Variants in CHUK observed in about 807,000 individuals in gnomAD.
CHUK encodes the protein inhibitor of nuclear factor kappa-B kinase subunit alpha.
A neutral mutation model predicts 104.8 loss-of-function variants in CHUK; 35 were observed. The observed-to-expected ratio is 0.33, with a 90% CI of 0.26 to 0.44. The LOEUF (loss-of-function observed/expected upper bound fraction) is 0.44, where lower values mean the gene tolerates loss of function less well. Ranked by LOEUF, CHUK falls within the 20% of genes least tolerant of loss-of-function variation. The pLI is 1.00. For missense variants in CHUK, 663 were observed against 902.7 expected (o/e 0.73, Z 3.40); for synonymous variants, 276 against 291.9 (o/e 0.95, Z 0.56).
intron 9 of CHUK, among the ~76,000 whole-genome samples, chr10:100,217,102 C>T (rs1414379566): frequency 6.6e-6 from 1 of 151,882 alleles, no homozygotes; most frequent in Non-Finnish European, 1.5e-5. Flanking sequence ...TCTGTCAAAG[C>T]ACAAAGGTAG....
intron 11 of CHUK, 65 bp downstream of exon 11, chr10:100,207,159 CTAATCA>C: frequency 1.3e-6 from 1 of 798,804 alleles, no homozygotes; most frequent in Non-Finnish European, 2.2e-6. Flanking sequence ...TCCATTTCTA[CTAATCA>C]TACTGAGAGT....
Position 100,193,392 on chromosome 10 carries a change from C to T in CHUK, c.2014G>A (p.Glu672Lys), listed in dbSNP as rs748821403. 4 of 1,613,988 alleles carry T rather than the reference C, an allele frequency of 2.5e-6. No homozygotes were observed. Among genetic ancestry groups the T allele is most frequent in the Non-Finnish European group, 3.4e-6 (4 of 1,179,964 alleles). Residue 672 changes from glutamate (E) to lysine (K), a missense_variant, in exon 19 of 21, where the codon GAA becomes AAA. Glu to Lys is a moderately conservative substitution (Grantham distance 56). Transcript: ENST00000370397. The part of the protein sequence containing the change: ...SARSLVGSSL[E>K]GAVTPQTSAW... Reference sequence around the variant, plus strand: ...GATGTCTGAGGGGTTACTGCACCTTCTAGACTGGATCCTACAAGGGACCGG... The same window carrying T: ...GATGTCTGAGGGGTTACTGCACCTTTTAGACTGGATCCTACAAGGGACCGG...
intron 9 of CHUK, among the ~76,000 whole-genome samples, chr10:100,217,209 G>GC (rs1202609643): frequency 6.8e-6 from 1 of 146,026 alleles, no homozygotes; most frequent in Non-Finnish European, 1.5e-5. Context: ...GTTAGGGAAA[G>GC]CCCCCCCAAA....
intron 1 of CHUK, among the ~76,000 whole-genome samples, chr10:100,229,002 C>T (rs1031378396): frequency 3.4e-4 from 50 of 146,530 alleles, no homozygotes; most frequent in African/African-American, 1.3e-3. Flanking sequence ...CGCACACACA[C>T]ACACACACAC....
rs1845555211 is a variant in CHUK at position 100,204,912 on chromosome 10, C to CA, written c.1355+163dup. Among the ~76,000 whole-genome samples, 4 of 152,298 alleles carry CA rather than the reference C, an allele frequency of 2.6e-5. No individual in the cohort carries two copies. The South Asian group carries it at 8.3e-4, about 32-fold the overall frequency. On this transcript the variant is annotated intron_variant, in intron 12 of 20. Coordinates refer to ENST00000370397, the MANE Select transcript of CHUK (RefSeq NM_001278.5). ...TCAAGCCATTACAATAGAATGGTCT[C>CA]AGTCCATTAGTAAGAATTCTACAAG...
At chr10:100,228,277 A>T (rs1278856842) in intron 1 of CHUK, among the ~76,000 whole-genome samples, 1 of 152,220 alleles carries the variant, frequency 6.6e-6, no homozygotes, top group East Asian at 1.9e-4. Flanking sequence ...GAACCTCTCA[A>T]ATGGCAATGC....
rs1274831162 is a variant in CHUK at position 100,229,543 on chromosome 10, G to A, written c.-11C>T. The A allele has an allele frequency of 2.6e-6, 4 of 1,516,302 alleles. No individual in the cohort carries two copies. The highest frequency in any genetic ancestry group is 3.5e-6 in the Non-Finnish European group (4 of 1,131,390). The allele number at this position is 1,516,302 out of a possible 1,614,324, so 93.9% of individuals were successfully genotyped here. ...CGGGGGCCGCTCCATGGGGCGGGAG[G>A]GCAAGCGGCCTCAGGTTCCACAGTT... On this transcript the variant is annotated 5_prime_UTR_variant, in exon 1 of 21. Transcript: ENST00000370397.
At chr10:100,208,148 C>G (rs797017538) in intron 10 of CHUK, among the ~76,000 whole-genome samples, 23 of 152,210 alleles carry the variant, frequency 1.5e-4, no homozygotes, top group African/African-American at 5.5e-4. Flanking sequence ...CTCTGTCACC[C>G]ATGCTGGAGT....
intron 17 of CHUK, 146 bp downstream of exon 17, chr10:100,194,279 T>C (rs1174857711): frequency 9.3e-7 from 1 of 1,073,768 alleles, no homozygotes; most frequent in Non-Finnish European, 1.4e-6. Flanking sequence ...GACACATAAA[T>C]GCAGATAGCT....
rs1244372383 is a variant in CHUK at position 100,193,976 on chromosome 10, T to C, written c.1974+8A>G. On this transcript the variant is annotated splice_region_variant and intron_variant, in intron 18 of 20. Coordinates refer to ENST00000370397, the MANE Select transcript of CHUK (RefSeq NM_001278.5). ...GTCACATTAAATAATTCATTAATAA[T>C]TACTTACACAGGCAATTTTAAGGAG... 10 of 1,610,528 alleles carry C rather than the reference T, an allele frequency of 6.2e-6. No homozygotes were observed. Among genetic ancestry groups the C allele is most frequent in the Non-Finnish European group, 8.5e-6 (10 of 1,177,132 alleles).
intron 9 of CHUK, among the ~76,000 whole-genome samples, chr10:100,211,879 AT>A (rs56796436): frequency 0.37 from 54,116 of 145,984 alleles, 10,033 homozygotes; most frequent in Non-Finnish European, 0.45. Context: ...TTACAGTTCT[AT>A]TTTTTTTTTT....
chr10:100,222,654 T>C (rs528202519), intron 3 of CHUK, among the ~76,000 whole-genome samples: 1 of 152,330 alleles, frequency 6.6e-6, no homozygotes, highest in South Asian at 2.1e-4. Flanking sequence ...ATAGTCTCTG[T>C]TAAAACTACT....
chr10:100,192,759 T>C (rs1327575), intron 19 of CHUK: 28,839 of 985,000 alleles, frequency 0.029, 1,252 homozygotes, highest in African/African-American at 0.18. Context: ...TAATAAAATA[T>C]AGGGCTTGGA....
intron 1 of CHUK, among the ~76,000 whole-genome samples, chr10:100,228,161 T>C (rs76066680): frequency 0.012 from 1,869 of 152,328 alleles, 39 homozygotes; most frequent in East Asian, 0.036. Flanking sequence ...CCATGATGCA[T>C]GTAATTATTA....
intron 20 of CHUK, 144 bp downstream of exon 20, chr10:100,190,725 G>A: frequency 1.4e-6 from 1 of 728,650 alleles, no homozygotes; most frequent in Non-Finnish European, 2.5e-6. Flanking sequence ...ATTTAAGGTT[G>A]AGGATATTCC....
At chr10:100,221,719 C>T (rs1193382296) in intron 4 of CHUK, among the ~76,000 whole-genome samples, 1 of 152,080 alleles carries the variant, frequency 6.6e-6, no homozygotes, top group African/African-American at 2.4e-5. Context: ...CTCACTGCAA[C>T]CTCTATCTCC....
intron 15 of CHUK, among the ~76,000 whole-genome samples, 183 bp from the exon 16 acceptor site, chr10:100,200,203 G>C (rs900433168): frequency 6.6e-6 from 1 of 152,150 alleles, no homozygotes; most frequent in African/African-American, 2.4e-5. Context: ...AAAATGCAAA[G>C]TTTAATATAG....
intron 2 of CHUK, among the ~76,000 whole-genome samples, chr10:100,225,027 T>C (rs1846074658): frequency 6.6e-6 from 1 of 151,906 alleles, no homozygotes. Flanking sequence ...TTTTTATATT[T>C]TTTGTAGAGA....
chr10:100,204,442 G>T, intron 13 of CHUK, 64 bp downstream of exon 13: 1 of 1,396,950 alleles, frequency 7.2e-7, no homozygotes, highest in Non-Finnish European at 1.0e-6. Context: ...AGTTAAGAAG[G>T]CAAAATAACA....
Sources: allele counts gnomAD v4.1 joint callset (sites outside exome capture counted in the v4.1 genomes callset), GRCh38; gene constraint gnomAD v4.1.1; transcripts MANE v1.5; gene names NCBI Gene and HGNC (gene_info 2026-07-23, HGNC 2026-07-21).